The following GABRB2 variants were observed in gnomAD, a reference collection of about 807,000 sequenced individuals.
The protein encoded by GABRB2 is gamma-aminobutyric acid receptor subunit beta-2.
In GABRB2, 16 loss-of-function variants were observed where a neutral mutation model predicts 54.7. That is an observed-to-expected ratio of 0.29 (90% CI 0.20 to 0.44). The LOEUF is 0.44. GABRB2 is among the 20% of genes least tolerant of loss of function. The pLI is 1.00. For synonymous variants in GABRB2, 244 were observed against 233.8 expected, an observed-to-expected ratio of 1.04 and a Z score of -0.40; for missense variants, 355 against 644.0, an observed-to-expected ratio of 0.55 and a Z score of 4.86.
chr5:161,297,725 T>C (rs1165184400), intron 9 of GABRB2, among the ~76,000 whole-genome samples: 3 of 152,160 alleles, frequency 2.0e-5, no homozygotes, highest in African/African-American at 7.2e-5. Context: ...CTATTGTGAA[T>C]AGTGTTGCAA....
At chr5:161,386,689 G>A (rs912583479) in intron 5 of GABRB2, among the ~76,000 whole-genome samples, 11 of 151,926 alleles carry the variant, frequency 7.2e-5, no homozygotes, top group Middle Eastern at 3.2e-3. Context: ...GACTACAGGC[G>A]TGCTACCATG....
At position 161,372,284 on chromosome 5, in the gene GABRB2, G is replaced by A. The variant is rs543763584; in HGVS notation, c.542-35515C>T. ...CCACTGGGGCTGCATCCCTGAAAAG[G>A]ATGCCCCTGCATGGCCAGGATCATC... is the stretch of plus-strand genomic sequence containing the variant. On this transcript the variant is annotated intron_variant, in intron 5 of 9. Transcript: ENST00000393959. 7.2e-5 allele frequency among the ~76,000 whole-genome samples: 11 copies of A among 152,248 alleles called. No individual in the cohort carries two copies. In the South Asian group the frequency reaches 2.3e-3, roughly 32 times the overall value.
intron 5 of GABRB2, among the ~76,000 whole-genome samples, chr5:161,360,520 T>C (rs1197087140): frequency 1.3e-5 from 2 of 152,216 alleles, no homozygotes; most frequent in African/African-American, 4.8e-5. Context: ...TGGATGATAC[T>C]ACAGAACCAA....
intron 7 of GABRB2, among the ~76,000 whole-genome samples, chr5:161,334,418 G>T (rs1315763043): frequency 6.6e-6 from 1 of 152,078 alleles, no homozygotes; most frequent in Non-Finnish European, 1.5e-5. Context: ...TAGAAGGGAG[G>T]TCTTCTTAGG....
chr5:161,307,945 G>A (rs111707489), intron 9 of GABRB2, among the ~76,000 whole-genome samples: 8,703 of 150,038 alleles, frequency 0.058, 364 homozygotes, highest in Middle Eastern at 0.073. Flanking sequence ...TGCAAGCTCC[G>A]CCTCCTGGGT....
chr5:161,459,847 G>A lies in GABRB2; in HGVS notation c.238-3C>T, dbSNP rs1314083058. On this transcript the variant is annotated splice_polypyrimidine_tract_variant and splice_region_variant and intron_variant, in intron 3 of 9. Transcript: ENST00000393959. The stretch of plus-strand genomic sequence containing the variant: ...AAGTACATTGTCAAGGTATAATCCT[G>A]TAAATGTGAGAAAAAAAAACATGGT... 1.3e-6 allele frequency: 2 copies of A among 1,580,398 alleles called. No homozygotes were observed. Among genetic ancestry groups the A allele is most frequent in the South Asian group, 1.1e-5 (1 of 89,926 alleles).
chr5:161,512,429 C>T (rs1379027323), intron 3 of GABRB2, among the ~76,000 whole-genome samples: 1 of 151,926 alleles, frequency 6.6e-6, no homozygotes, highest in East Asian at 1.9e-4. Context: ...ATACAGCCAT[C>T]TGATTTTGAC....
At chr5:161,325,718 A>G (rs763835610) in intron 9 of GABRB2, among the ~76,000 whole-genome samples, 5 of 152,172 alleles carry the variant, frequency 3.3e-5, no homozygotes, top group South Asian at 2.1e-4. Flanking sequence ...CAACTTGCCA[A>G]TTAAGATCAC....
intron 8 of GABRB2, 135 bp from the exon 9 acceptor site, chr5:161,326,616 T>C (rs1758371474): frequency 3.6e-6 from 4 of 1,111,224 alleles, no homozygotes; most frequent in Non-Finnish European, 4.8e-6. Flanking sequence ...TAACAGAGAA[T>C]GGGAATTTGA....
At chr5:161,323,050 A>G (rs1279364755) in intron 9 of GABRB2, among the ~76,000 whole-genome samples, 2 of 144,580 alleles carry the variant, frequency 1.4e-5, no homozygotes, top group African/African-American at 5.2e-5. Flanking sequence ...TTTGAGACGG[A>G]GTCTTACTCT....
chr5:161,459,574 A>T (rs1758058646), intron 4 of GABRB2, 50 bp downstream of exon 4: 9 of 1,402,754 alleles, frequency 6.4e-6, no homozygotes, highest in African/African-American at 1.4e-5. Context: ...ATGAAAATTA[A>T]CAGCTATTTT....
chr5:161,302,033 T>C (rs369868056), intron 9 of GABRB2, among the ~76,000 whole-genome samples: 7 of 152,352 alleles, frequency 4.6e-5, no homozygotes, highest in South Asian at 4.1e-4. Flanking sequence ...GATGGACTGA[T>C]TTATTTGCAC....
At position 161,293,106 on chromosome 5, in the gene GABRB2, A is replaced by G. The variant is rs1279313657; in HGVS notation, c.*975T>C. The G allele has an allele frequency of 6.6e-6, 1 of 152,204 alleles. No individual in the cohort carries two copies. The highest frequency in any genetic ancestry group is 6.6e-5 in the Admixed American group (1 of 15,264). 9.4% of individuals were successfully genotyped at this position (152,204 alleles called of 1,614,324 possible). On this transcript the variant is annotated 3_prime_UTR_variant, in exon 10 of 10. Transcript: ENST00000393959. Reference sequence around the variant, plus strand: ...TCTGAATCTAACCTGAATATCTAAGACAATTCTCATTTCTCTAATTTTTGT... The same window carrying G: ...TCTGAATCTAACCTGAATATCTAAGGCAATTCTCATTTCTCTAATTTTTGT...
At chr5:161,377,021 T>A (rs1755326819) in intron 5 of GABRB2, among the ~76,000 whole-genome samples, 3 of 152,136 alleles carry the variant, frequency 2.0e-5, no homozygotes, top group African/African-American at 7.2e-5. Flanking sequence ...GTTATTAATA[T>A]AACCATGTAA....
At chr5:161,502,188 A>G (rs893837573) in intron 3 of GABRB2, among the ~76,000 whole-genome samples, 25 of 151,822 alleles carry the variant, frequency 1.6e-4, no homozygotes, top group Admixed American at 1.6e-3. Flanking sequence ...ATCATGATCT[A>G]AATTAAAATA....
intron 3 of GABRB2, among the ~76,000 whole-genome samples, chr5:161,474,153 T>C (rs570381329): frequency 6.6e-6 from 1 of 151,956 alleles, no homozygotes; most frequent in Non-Finnish European, 1.5e-5. Context: ...TTATAATGTA[T>C]TTTTGGCGTA....
intron 5 of GABRB2, 45 bp downstream of exon 5, chr5:161,410,930 C>T (rs767450445): frequency 8.9e-6 from 13 of 1,465,636 alleles, no homozygotes. Context: ...TGCGTAAGAA[C>T]CTTAAAGCAG....
At chr5:161,504,783 T>A (rs1352476603) in intron 3 of GABRB2, among the ~76,000 whole-genome samples, 2 of 142,502 alleles carry the variant, frequency 1.4e-5, no homozygotes, top group African/African-American at 2.6e-5. Context: ...TCACCACAGA[T>A]CCGAAAGGAA....
chr5:161,411,494 C>T (rs1378274044), intron 4 of GABRB2, among the ~76,000 whole-genome samples: 1 of 152,062 alleles, frequency 6.6e-6, no homozygotes, highest in Non-Finnish European at 1.5e-5. Flanking sequence ...AGTTTTGATC[C>T]ATCATTTTTC....
Sources: gnomAD v4.1 joint callset for allele counts (sites outside exome capture counted in the v4.1 genomes callset) on GRCh38, gnomAD v4.1.1 for gene constraint, MANE v1.5 for transcripts, NCBI Gene and HGNC (gene_info 2026-07-23, HGNC 2026-07-21) for gene names.